Variants in ARHGEF7 observed in about 807,000 individuals in gnomAD.
ARHGEF7 encodes the protein PAK-interacting exchange factor beta.
ARHGEF7 carries 33 observed loss-of-function variants against 109.8 expected under a neutral mutation model. The ratio of observed to expected loss-of-function variants is 0.30; its 90% CI spans 0.23 to 0.40. The LOEUF is 0.40. ARHGEF7 is among the 10% of genes least tolerant of loss of function. The pLI, the probability that ARHGEF7 is intolerant of heterozygous loss-of-function variation, is 1.00. For missense variants in ARHGEF7, 938 were observed against 1,098.5 expected (o/e 0.85, Z 2.07); for synonymous variants, 458 against 424.6 (o/e 1.08, Z -0.97).
Position 111,266,526 on chromosome 13 carries a change from T to A in ARHGEF7, c.951-1022T>A, listed in dbSNP as rs935318820. 6.6e-6 allele frequency among the ~76,000 whole-genome samples: 1 copy of A among 152,202 alleles called. No individual in the cohort carries two copies. The highest frequency in any genetic ancestry group is 1.5e-5 in the Non-Finnish European group (1 of 68,036). On this transcript the variant is annotated intron_variant, in intron 8 of 21. Coordinates refer to ENST00000646102, the MANE Select transcript of ARHGEF7 (RefSeq NM_001354046.2). The surrounding 1 kb of genome is among the most constrained non-coding windows in gnomAD (Gnocchi z 4.8). ...TGGAATGACTATCATATTTCCTTTT[T>A]CTCCTTTGCTCCTTCATTCCCCTTT...
intron 17 of ARHGEF7, among the ~76,000 whole-genome samples, chr13:111,287,775 G>A (rs76279629): frequency 3.9e-5 from 6 of 152,318 alleles, no homozygotes; most frequent in East Asian, 1.9e-4. Context: ...CTGGCAGAGC[G>A]GGAGGTAGCA....
At chr13:111,191,878 G>T (rs2153447567) in intron 2 of ARHGEF7, among the ~76,000 whole-genome samples, 1 of 152,252 alleles carries the variant, frequency 6.6e-6, no homozygotes, top group East Asian at 1.9e-4. Context: ...ATAAGATTAG[G>T]ATTTTCGTCC....
rs560236071 is a variant in ARHGEF7 at position 111,217,654 on chromosome 13, T to C, written c.469-25T>C. On this transcript the variant is annotated intron_variant, in intron 4 of 21. Transcript: ENST00000646102. ...AGTAGACTGTTCTTGGTATAATTTT[T>C]CTCCCACTCTTCTTCCCCTTTTAGG... 3.8e-6 allele frequency: 6 copies of C among 1,590,992 alleles called. No individual in the cohort carries two copies. In the East Asian group the frequency reaches 1.3e-4, roughly 36 times the overall value.
intron 1 of ARHGEF7, among the ~76,000 whole-genome samples, chr13:111,149,556 C>G (rs1166635414): frequency 6.6e-6 from 1 of 152,184 alleles, no homozygotes; most frequent in East Asian, 1.9e-4. Flanking sequence ...AAGACTCTGG[C>G]CAGAACATTT....
intron 2 of ARHGEF7, among the ~76,000 whole-genome samples, chr13:111,188,211 C>T (rs1191267191): frequency 6.6e-6 from 1 of 152,216 alleles, no homozygotes; most frequent in Non-Finnish European, 1.5e-5. Flanking sequence ...CTTGGTAGCA[C>T]CTCCTCAGTC....
At chr13:111,218,295 C>G (rs1359010025) in intron 5 of ARHGEF7, among the ~76,000 whole-genome samples, 1 of 151,938 alleles carries the variant, frequency 6.6e-6, no homozygotes, top group African/African-American at 2.4e-5. Flanking sequence ...CTGTCATTCT[C>G]TTTGTACTAG....
At position 111,273,787 on chromosome 13, in the gene ARHGEF7, G is replaced by A. The variant is rs759987178; in HGVS notation, c.1074-27G>A. 6.2e-7 allele frequency: 1 copy of A among 1,613,002 alleles called. No individual in the cohort carries two copies. The highest frequency in any genetic ancestry group is 1.1e-5 in the South Asian group (1 of 91,066). On this transcript the variant is annotated intron_variant, in intron 9 of 21. Coordinates refer to ENST00000646102, the MANE Select transcript of ARHGEF7 (RefSeq NM_001354046.2). The surrounding 1 kb of genome is among the most constrained non-coding windows in gnomAD (Gnocchi z 4.5). ...CATTGTCTCTCATTGCTAACCACGA[G>A]TGTCTCTCTTGCCACTTGCTGCCCA...
At chr13:111,148,986 G>C (rs892686600) in intron 1 of ARHGEF7, among the ~76,000 whole-genome samples, 1 of 151,958 alleles carries the variant, frequency 6.6e-6, no homozygotes. Context: ...AAGTTTTTCC[G>C]GGTTTGCATA....
intron 4 of ARHGEF7, among the ~76,000 whole-genome samples, chr13:111,211,946 G>A (rs139805506): frequency 5.3e-5 from 8 of 152,262 alleles, no homozygotes; most frequent in South Asian, 4.1e-4. Flanking sequence ...TTGAGATTGC[G>A]TAAGACGCTT....
chr13:111,295,314 C>G, intron 19 of ARHGEF7: 1 of 517,434 alleles, frequency 1.9e-6, no homozygotes, highest in Non-Finnish European at 2.5e-6. Flanking sequence ...ATAGATAGAA[C>G]CCTTCTGTCT....
chr13:111,171,451 A>G (rs565695907), intron 2 of ARHGEF7, among the ~76,000 whole-genome samples: 62 of 152,398 alleles, frequency 4.1e-4, no homozygotes, highest in African/African-American at 1.4e-3. Context: ...AGCATTAAAA[A>G]TAATTTCACT....
At chr13:111,189,444 C>T (rs188803430) in intron 2 of ARHGEF7, among the ~76,000 whole-genome samples, 16 of 152,158 alleles carry the variant, frequency 1.1e-4, no homozygotes, top group Admixed American at 7.9e-4. Context: ...TTAAAGGTGG[C>T]GCATCCGGAG....
chr13:111,144,211 T>C (rs1302125175), intron 1 of ARHGEF7: 1 of 152,276 alleles, frequency 6.6e-6, no homozygotes, highest in Non-Finnish European at 1.5e-5. Context: ...TCCATACTCA[T>C]GGAAAACAAT....
chr13:111,142,801 C>T (rs1282127730), intron 1 of ARHGEF7, among the ~76,000 whole-genome samples: 1 of 152,038 alleles, frequency 6.6e-6, no homozygotes, highest in Non-Finnish European at 1.5e-5. Flanking sequence ...AATGAGCCTG[C>T]CTCTTTGCAT....
chr13:111,236,469 C>T (rs1191515600), intron 6 of ARHGEF7, among the ~76,000 whole-genome samples: 3 of 152,182 alleles, frequency 2.0e-5, no homozygotes, highest in African/African-American at 7.2e-5. Context: ...TGAAATCCAC[C>T]TCCCCTGGGT....
At chr13:111,205,151 T>C in intron 2 of ARHGEF7, 138 bp from the exon 3 acceptor site, 1 of 606,532 alleles carries the variant, frequency 1.6e-6, no homozygotes, top group Non-Finnish European at 2.9e-6. Flanking sequence ...AGACTGAGCG[T>C]GCTGGTCTCC....
intron 1 of ARHGEF7, among the ~76,000 whole-genome samples, chr13:111,148,639 C>T (rs776046368): frequency 2.6e-5 from 4 of 152,206 alleles, no homozygotes; most frequent in Non-Finnish European, 4.4e-5. Flanking sequence ...CCAATTCATA[C>T]AGAAAGGCAG....
At chr13:111,158,886 A>G (rs2076542478) in intron 2 of ARHGEF7, 2 of 608,566 alleles carry the variant, frequency 3.3e-6, no homozygotes, top group South Asian at 4.0e-5. Flanking sequence ...TTTAAAATCT[A>G]ATCTTTTAGC....
At chr13:111,193,367 C>T (rs1359711657) in intron 2 of ARHGEF7, among the ~76,000 whole-genome samples, 2 of 152,132 alleles carry the variant, frequency 1.3e-5, no homozygotes, top group Non-Finnish European at 2.9e-5. Context: ...CAGCATCTGC[C>T]CTGCGGTTTC....
Sources: gnomAD v4.1 joint callset for allele counts (sites outside exome capture counted in the v4.1 genomes callset) on GRCh38, gnomAD v4.1.1 for gene constraint, Gnocchi (gnomAD v3.1) non-coding constraint, MANE v1.5 for transcripts, NCBI Gene and HGNC (gene_info 2026-07-23, HGNC 2026-07-21) for gene names.